Variants in CSMD3 observed in about 807,000 individuals in gnomAD.
CSMD3 encodes the protein CUB and Sushi multiple domains 3, also known as CUB and sushi domain-containing protein 3.
In CSMD3, 177 loss-of-function variants were observed where a neutral mutation model predicts 435.2. The observed-to-expected ratio is 0.41, with a 90% CI of 0.36 to 0.46. CSMD3 has a LOEUF of 0.46. CSMD3 is among the 20% of genes least tolerant of loss of function. The probability of loss-of-function intolerance (pLI) is 0.34; values close to 1 mark genes in which losing one functional copy is unlikely to be tolerated. For synonymous variants in CSMD3, 1,656 were observed against 1,520.5 expected (o/e 1.09, Z -2.07); for missense variants, 4,265 against 4,504.6 (o/e 0.95, Z 1.52).
At chr8:112,591,147 T>C (rs773488653) in intron 22 of CSMD3, among the ~76,000 whole-genome samples, 4 of 152,172 alleles carry the variant, frequency 2.6e-5, no homozygotes, top group Non-Finnish European at 5.9e-5. Flanking sequence ...ACACATTGTA[T>C]ATGATGACTT....
chr8:112,928,424 C>T (rs1051825476), intron 9 of CSMD3, among the ~76,000 whole-genome samples: 2 of 152,120 alleles, frequency 1.3e-5, no homozygotes, highest in Admixed American at 1.3e-4. Context: ...TCCTCAGAAT[C>T]CTCAAAAATC....
intron 13 of CSMD3, among the ~76,000 whole-genome samples, chr8:112,792,254 T>C (rs1717721498): frequency 6.6e-6 from 1 of 152,166 alleles, no homozygotes; most frequent in Admixed American, 6.6e-5. Context: ...TTCCATAGCC[T>C]GAGCAGCTTA....
At chr8:112,988,164 T>C (rs2085322900) in intron 6 of CSMD3, among the ~76,000 whole-genome samples, 1 of 151,990 alleles carries the variant, frequency 6.6e-6, no homozygotes, top group African/African-American at 2.4e-5. Flanking sequence ...TATTGGATTC[T>C]TGCGCAAATC....
At chr8:113,167,714 T>G (rs1050162468) in intron 4 of CSMD3, among the ~76,000 whole-genome samples, 2 of 152,208 alleles carry the variant, frequency 1.3e-5, no homozygotes, top group African/African-American at 4.8e-5. Context: ...CACTGCAATT[T>G]TGTTAGCAGG....
chr8:113,177,562 T>C (rs566775468), intron 3 of CSMD3, among the ~76,000 whole-genome samples: 32 of 152,080 alleles, frequency 2.1e-4, no homozygotes, highest in Non-Finnish European at 3.5e-4. Flanking sequence ...TAAAATGGGA[T>C]TGCAGTAGGG....
At chr8:112,369,179 ATAT>A (rs1828077863) in intron 38 of CSMD3, among the ~76,000 whole-genome samples, 1 of 152,128 alleles carries the variant, frequency 6.6e-6, no homozygotes, top group East Asian at 1.9e-4. Context: ...GGTTCTTTTC[ATAT>A]TATTAAATAG....
At chr8:112,395,125 A>G (rs568137467) in intron 35 of CSMD3, among the ~76,000 whole-genome samples, 1 of 152,306 alleles carries the variant, frequency 6.6e-6, no homozygotes, top group South Asian at 2.1e-4. Context: ...TAACATTTGC[A>G]TCCTGTTTTT....
At chr8:113,266,767 T>A (rs1317880033) in intron 3 of CSMD3, among the ~76,000 whole-genome samples, 1 of 151,664 alleles carries the variant, frequency 6.6e-6, no homozygotes, top group African/African-American at 2.4e-5. Flanking sequence ...TAATTAGTAA[T>A]ACACATCGAC....
At chr8:112,481,782 A>G (rs1819642495) in intron 31 of CSMD3, among the ~76,000 whole-genome samples, 1 of 152,180 alleles carries the variant, frequency 6.6e-6, no homozygotes, top group African/African-American at 2.4e-5. Context: ...TACTATTACC[A>G]GTATTGACTT....
Position 112,831,253 on chromosome 8 carries a change from T to C in CSMD3, c.1756-1464A>G, listed in dbSNP as rs181842515. Reference sequence around the variant, plus strand: ...AAAATATGTGTATTTGTTCCACTTATAGTAAAATATAAATACTTCCCATTA... The same window carrying C: ...AAAATATGTGTATTTGTTCCACTTACAGTAAAATATAAATACTTCCCATTA... On this transcript the variant is annotated intron_variant, in intron 11 of 70. Coordinates refer to ENST00000297405, the MANE Select transcript of CSMD3 (RefSeq NM_198123.2). 1.1e-3 allele frequency among the ~76,000 whole-genome samples: 162 copies of C among 152,166 alleles called. 1 individual carries two copies. Among genetic ancestry groups the C allele is most frequent in the Non-Finnish European group, 2.1e-3 (140 of 67,986 alleles).
At chr8:112,349,302 A>T (rs935300915) in intron 40 of CSMD3, among the ~76,000 whole-genome samples, 1 of 152,094 alleles carries the variant, frequency 6.6e-6, no homozygotes, top group African/African-American at 2.4e-5. Flanking sequence ...TGACATTTCA[A>T]ATTTTGAAAA....
chr8:113,383,510 C>T (rs565417981), intron 1 of CSMD3, among the ~76,000 whole-genome samples: 62 of 152,044 alleles, frequency 4.1e-4, no homozygotes, highest in Non-Finnish European at 8.4e-4. Flanking sequence ...AAAAAGCAGA[C>T]ACATCTGGTC....
intron 9 of CSMD3, among the ~76,000 whole-genome samples, chr8:112,938,536 A>G (rs1344873956): frequency 1.3e-5 from 2 of 152,292 alleles, no homozygotes; most frequent in Admixed American, 1.3e-4. Flanking sequence ...ATCTTATTTT[A>G]GGAAGCAAGA....
intron 35 of CSMD3, among the ~76,000 whole-genome samples, chr8:112,405,319 C>A (rs2129998825): frequency 7.2e-6 from 1 of 137,994 alleles, no homozygotes; most frequent in East Asian, 2.2e-4. Flanking sequence ...CAACTCAAGT[C>A]ATTAGAATTA....
chr8:113,434,211 G>A (rs1021734603), intron 1 of CSMD3, among the ~76,000 whole-genome samples: 1 of 152,088 alleles, frequency 6.6e-6, no homozygotes, highest in Admixed American at 6.6e-5. Flanking sequence ...AGCTGTTCAC[G>A]TGGAAAACTG....
intron 3 of CSMD3, among the ~76,000 whole-genome samples, chr8:113,216,015 T>C (rs561217140): frequency 2.0e-5 from 3 of 151,886 alleles, no homozygotes; most frequent in South Asian, 2.1e-4. Flanking sequence ...GGGGAGAAAA[T>C]TGCTTCCAAA....
chr8:112,666,319 A>G lies in CSMD3; in HGVS notation c.2774T>C (p.Ile925Thr), dbSNP rs1446780743. The change falls in exon 17 of 71, where the codon ATT becomes ACT. Residue 925 changes from isoleucine to threonine, a missense_variant. Ile to Thr is a moderately conservative substitution (Grantham distance 89, BLOSUM62 -1). Around this residue, in one of 3 missense-constraint regions of CSMD3, gnomAD observed 3,255 missense variants for 3,380.2 expected, o/e 0.96. Transcript: ENST00000297405. ...GATAGAGTGTCCAGGTTCAGCTTCA[A>G]TCACCCACTCACAATTCAAAGAGTC... is the stretch of plus-strand genomic sequence containing the variant. The part of the protein sequence containing the change: ...YKDSLNCEWV[I>T]EAEPGHSIKI... 1 of 1,612,536 alleles carries G rather than the reference A, an allele frequency of 6.2e-7. No individual in the cohort carries two copies. Among genetic ancestry groups the G allele is most frequent in the Admixed American group, 1.7e-5 (1 of 59,848 alleles).
chr8:112,721,420 C>T (rs1206231551), intron 13 of CSMD3, among the ~76,000 whole-genome samples: 2 of 151,900 alleles, frequency 1.3e-5, no homozygotes, highest in East Asian at 1.9e-4. Context: ...ACTAAAAATA[C>T]AAAAATTAGC....
chr8:113,362,543 A>G (rs1370885608), intron 1 of CSMD3, among the ~76,000 whole-genome samples: 1 of 152,202 alleles, frequency 6.6e-6, no homozygotes, highest in East Asian at 1.9e-4. Context: ...AGTGTGAAAC[A>G]GCATTATGTA....
Sources: gnomAD v4.1 joint callset for allele counts (sites outside exome capture counted in the v4.1 genomes callset) on GRCh38, gnomAD v4.1.1 for gene constraint, gnomAD v4.1.1 regional missense constraint, MANE v1.5 for transcripts, NCBI Gene and HGNC (gene_info 2026-07-23, HGNC 2026-07-21) for gene names.